The following MLLT3 variants were observed in gnomAD, a reference collection of about 807,000 sequenced individuals.
MLLT3 encodes the protein MLLT3 super elongation complex subunit.
A neutral mutation model predicts 53.2 loss-of-function variants in MLLT3; 4 were observed. The ratio of observed to expected loss-of-function variants is 0.08; its 90% CI spans 0.04 to 0.17. MLLT3 has a LOEUF of 0.17. Among genes scored for constraint, MLLT3 ranks in the 10% least tolerant of loss-of-function variants. The pLI is 1.00. For synonymous variants in MLLT3, 283 were observed against 230.6 expected, an observed-to-expected ratio of 1.23 and a Z score of -2.06; for missense variants, 569 against 684.0, an observed-to-expected ratio of 0.83 and a Z score of 1.87.
chr9:20,513,063 T>G (rs1414691280), intron 2 of MLLT3, among the ~76,000 whole-genome samples: 1 of 152,208 alleles, frequency 6.6e-6, no homozygotes, highest in Non-Finnish European at 1.5e-5. Context: ...CTCTGGAGAG[T>G]AGCCATAAAT....
intron 10 of MLLT3, among the ~76,000 whole-genome samples, chr9:20,352,124 C>T (rs939301878): frequency 9.9e-5 from 15 of 152,212 alleles, no homozygotes; most frequent in African/African-American, 2.2e-4. Context: ...CATTAAATTG[C>T]GAATGCCAAT....
intron 2 of MLLT3, among the ~76,000 whole-genome samples, chr9:20,472,153 T>G (rs1052421365): frequency 2.6e-5 from 4 of 152,084 alleles, no homozygotes; most frequent in Non-Finnish European, 1.5e-5. Flanking sequence ...AGGGATTTGT[T>G]TTTATGTTAA....
intron 2 of MLLT3, among the ~76,000 whole-genome samples, chr9:20,487,922 C>A (rs1450804260): frequency 1.3e-5 from 2 of 151,972 alleles, no homozygotes; most frequent in Admixed American, 6.6e-5. Flanking sequence ...TATTTTTTTT[C>A]TTCAATGGCA....
chr9:20,355,378 TAC>T (rs1821146267), intron 8 of MLLT3, among the ~76,000 whole-genome samples: 1 of 152,206 alleles, frequency 6.6e-6, no homozygotes, highest in Admixed American at 6.5e-5. Flanking sequence ...ACAAAACTGA[TAC>T]AGCTTTGGAA....
chr9:20,364,111 A>G lies in MLLT3; in HGVS notation c.1202-506T>C, dbSNP rs966850625. On this transcript the variant is annotated intron_variant, in intron 6 of 10. Coordinates refer to ENST00000380338, the MANE Select transcript of MLLT3 (RefSeq NM_004529.4). Reference sequence around the variant, plus strand: ...CAAGTTCAGATTATAAAGTATTTCAATTCCATGGTGTAATATCCTACCTCT... The same window carrying G: ...CAAGTTCAGATTATAAAGTATTTCAGTTCCATGGTGTAATATCCTACCTCT... Among the ~76,000 whole-genome samples, 7 of 152,204 alleles carry G rather than the reference A, an allele frequency of 4.6e-5. No individual in the cohort carries two copies. The South Asian group carries it at 1.0e-3, about 23-fold the overall frequency.
Position 20,587,847 on chromosome 9 carries a change from T to C in MLLT3, c.193+32807A>G, listed in dbSNP as rs543114750. Among the ~76,000 whole-genome samples, 24 of 152,316 alleles carry C rather than the reference T, an allele frequency of 1.6e-4. No individual in the cohort carries two copies. In the East Asian group the frequency reaches 3.9e-3, roughly 25 times the overall value. ...CTGTGCAGAAGCTCTTTAGTTTACT[T>C]AGATCCCATTTGTCAATTTTGGCTT... On this transcript the variant is annotated intron_variant, in intron 2 of 10. Transcript: ENST00000380338.
rs893049070 is a variant in MLLT3 at position 20,621,230 on chromosome 9, A to G, written c.13-396T>C. Among the ~76,000 whole-genome samples, 14 of 152,152 alleles carry G rather than the reference A, an allele frequency of 9.2e-5. No homozygotes were observed. The highest frequency in any genetic ancestry group is 3.1e-4 in the African/African-American group (13 of 41,456). ...GTGGGAGGGGAGGTGGCTGGGACCC[A>G]GGGGGACCGAAGGGCTCCTGGCGAG... On this transcript the variant is annotated intron_variant, in intron 1 of 10. Transcript: ENST00000380338. The surrounding 1 kb of genome is among the most constrained non-coding windows in gnomAD (Gnocchi z 7.0).
intron 2 of MLLT3, among the ~76,000 whole-genome samples, chr9:20,482,919 T>C (rs1277864155): frequency 6.6e-6 from 1 of 152,212 alleles, no homozygotes; most frequent in Non-Finnish European, 1.5e-5. Context: ...GTGACTTTTA[T>C]ATCCTAGAAA....
intron 2 of MLLT3, among the ~76,000 whole-genome samples, chr9:20,532,335 C>A: frequency 1.3e-5 from 2 of 150,436 alleles, no homozygotes; most frequent in African/African-American, 5.0e-5. Flanking sequence ...ATATATAAAT[C>A]ACTCAAACCA....
At chr9:20,493,663 A>T (rs1339037955) in intron 2 of MLLT3, among the ~76,000 whole-genome samples, 2 of 152,018 alleles carry the variant, frequency 1.3e-5, no homozygotes, top group Non-Finnish European at 2.9e-5. Flanking sequence ...TTATAAATAT[A>T]ATGAGACATC....
At chr9:20,372,427 T>TC (rs1821629635) in intron 5 of MLLT3, among the ~76,000 whole-genome samples, 1 of 152,104 alleles carries the variant, frequency 6.6e-6, no homozygotes. Flanking sequence ...AGACGGAGTC[T>TC]CACTCTGTCA....
intron 2 of MLLT3, among the ~76,000 whole-genome samples, chr9:20,539,173 G>C (rs1331147473): frequency 2.0e-5 from 3 of 152,200 alleles, no homozygotes; most frequent in Non-Finnish European, 4.4e-5. Flanking sequence ...CTTCACAACA[G>C]ATTTCCCTGT....
In MLLT3 at chr9:20,495,622, T is replaced by C. The variant is rs79282733; in HGVS notation, c.194-38836A>G. ...TTTTCATTACACAACCGGAACTAGA[T>C]TTTTTAATAACATACTGAAAATAGG... On this transcript the variant is annotated intron_variant, in intron 2 of 10. Coordinates refer to ENST00000380338, the MANE Select transcript of MLLT3 (RefSeq NM_004529.4). Among the ~76,000 whole-genome samples the C allele has an allele frequency of 2.0e-4, 31 of 152,274 alleles. 1 individual carries two copies. In the East Asian group the frequency reaches 5.8e-3, roughly 28 times the overall value.
chr9:20,540,872 G>C (rs1235798310), intron 2 of MLLT3, among the ~76,000 whole-genome samples: 2 of 152,214 alleles, frequency 1.3e-5, no homozygotes, highest in South Asian at 2.1e-4. Flanking sequence ...AATTTTCCAA[G>C]TGTTTATGCT....
chr9:20,502,748 T>G (rs934493318), intron 2 of MLLT3, among the ~76,000 whole-genome samples: 3 of 152,234 alleles, frequency 2.0e-5, no homozygotes, highest in Non-Finnish European at 4.4e-5. Flanking sequence ...CAGGAGGTCC[T>G]GGAACCAATC....
At chr9:20,583,142 C>G (rs141940009) in intron 2 of MLLT3, among the ~76,000 whole-genome samples, 1 of 152,096 alleles carries the variant, frequency 6.6e-6, no homozygotes, top group African/African-American at 2.4e-5. Flanking sequence ...ATGGGAGAAA[C>G]TGGCCAAACA....
intron 5 of MLLT3, among the ~76,000 whole-genome samples, chr9:20,388,379 G>C (rs1586911316): frequency 1.3e-5 from 2 of 152,172 alleles, no homozygotes; most frequent in African/African-American, 2.4e-5. Context: ...ACGAGGTCAG[G>C]AGATCAAGAC....
In MLLT3 at chr9:20,506,359, C is replaced by G. The variant is rs556025592; in HGVS notation, c.194-49573G>C. ...CCCGGCCCCTGCTTTTTCAAGAGAA[C>G]TGGCTGATGAGCTTCCTGGGACCAC... On this transcript the variant is annotated intron_variant, in intron 2 of 10. Transcript: ENST00000380338. Among the ~76,000 whole-genome samples the G allele has an allele frequency of 2.0e-5, 3 of 152,174 alleles. No individual in the cohort carries two copies. The South Asian group carries it at 6.2e-4, about 32-fold the overall frequency.
chr9:20,404,110 C>T lies in MLLT3; in HGVS notation c.1125+9611G>A, dbSNP rs551171981. Among the ~76,000 whole-genome samples, 24 of 152,236 alleles carry T rather than the reference C, an allele frequency of 1.6e-4. No homozygotes were observed. The South Asian group carries it at 3.9e-3, about 25-fold the overall frequency. On this transcript the variant is annotated intron_variant, in intron 5 of 10. Transcript: ENST00000380338. ...TGCCGGGACTACAGGTGTGAACCAC[C>T]GCGCCCAGTCAGATACTAAACATTT... is the stretch of plus-strand genomic sequence containing the variant.
Sources: gnomAD v4.1 joint callset for allele counts (sites outside exome capture counted in the v4.1 genomes callset) on GRCh38, gnomAD v4.1.1 for gene constraint, Gnocchi (gnomAD v3.1) non-coding constraint, MANE v1.5 for transcripts, NCBI Gene and HGNC (gene_info 2026-07-23, HGNC 2026-07-21) for gene names.